Variants in DYNC1I1 observed in about 807,000 individuals in gnomAD.
DYNC1I1 encodes the protein cytoplasmic dynein 1 intermediate chain 1.
A neutral mutation model predicts 86.6 loss-of-function variants in DYNC1I1; 43 were observed. That is an observed-to-expected ratio of 0.50 (90% confidence interval 0.39 to 0.64). The LOEUF is 0.64. Ranked by LOEUF, DYNC1I1 falls within the 30% of genes least tolerant of loss-of-function variation. The pLI, the probability that DYNC1I1 is intolerant of heterozygous loss-of-function variation, is 0.00. For missense variants in DYNC1I1, 604 were observed against 788.8 expected (o/e 0.77, Z 2.81); for synonymous variants, 262 against 283.7 (o/e 0.92, Z 0.77).
rs115332272 is a variant in DYNC1I1, at chr7:96,041,288, A to G, written c.1509+1867A>G. Among the ~76,000 whole-genome samples, 377 of 152,320 alleles carry G rather than the reference A, an allele frequency of 2.5e-3. 1 individual carries two copies. The highest frequency in any genetic ancestry group is 8.8e-3 in the African/African-American group (365 of 41,560). On this transcript the variant is annotated intron_variant, in intron 14 of 16. Coordinates refer to ENST00000447467, the MANE Select transcript of DYNC1I1 (RefSeq NM_001135556.2). ...AACCAAGTTGAGAAACATATTTCCAACTATCAGATTGACAAAAATCTAAGT... is the reference window on the plus strand; with the variant it reads ...AACCAAGTTGAGAAACATATTTCCAGCTATCAGATTGACAAAAATCTAAGT...
At chr7:95,996,795 T>C (rs1212534582) in intron 10 of DYNC1I1, among the ~76,000 whole-genome samples, 2 of 152,186 alleles carry the variant, frequency 1.3e-5, no homozygotes, top group Non-Finnish European at 2.9e-5. Context: ...TTAATGCTCC[T>C]ATCCTGTGAT....
At chr7:95,886,539 C>G (rs1199572207) in intron 6 of DYNC1I1, among the ~76,000 whole-genome samples, 1 of 152,062 alleles carries the variant, frequency 6.6e-6, no homozygotes, top group Non-Finnish European at 1.5e-5. Context: ...ATAACCAAGC[C>G]AGAATTCACA....
chr7:95,818,473 A>AATT lies in DYNC1I1; in HGVS notation c.314+5136_314+5137insATT, dbSNP rs763156720. On this transcript the variant is annotated intron_variant, in intron 4 of 16. Transcript: ENST00000447467. Reference sequence around the variant, plus strand: ...CATACCACCACACCCAGCTGATTTAATTTTTTTTTTTTTTTTTTTTTGTAG... The same window carrying AATT: ...CATACCACCACACCCAGCTGATTTAAATTTTTTTTTTTTTTTTTTTTTTTGTAG... The AATT allele has an allele frequency of 1.5e-3, 879 of 574,230 alleles. 253 individuals carry two copies. Among genetic ancestry groups the AATT allele is most frequent in the Admixed American group, 6.3e-3 (245 of 38,898 alleles). The allele number at this position is 574,230 out of a possible 1,614,324, so 35.6% of individuals were successfully genotyped here. A position where few individuals can be genotyped will look rare whatever the true frequency, so the allele number is the denominator to read the frequency against.
At chr7:95,880,645 T>C (rs976012873) in intron 6 of DYNC1I1, among the ~76,000 whole-genome samples, 1 of 59,540 alleles carries the variant, frequency 1.7e-5, no homozygotes, top group Non-Finnish European at 3.3e-5. Flanking sequence ...TCTTACTTTT[T>C]TTTTTTTTTT....
chr7:95,808,900 A>T (rs1322617471), intron 2 of DYNC1I1, among the ~76,000 whole-genome samples: 1 of 152,158 alleles, frequency 6.6e-6, no homozygotes, highest in Non-Finnish European at 1.5e-5. Context: ...CTCACTCTGC[A>T]ACATCTTTTT....
chr7:96,054,165 T>C (rs1382214415), intron 14 of DYNC1I1, among the ~76,000 whole-genome samples: 1 of 152,150 alleles, frequency 6.6e-6, no homozygotes, highest in East Asian at 1.9e-4. Context: ...GGCCCTGGTG[T>C]GTGATGTTCC....
chr7:95,971,283 G>C (rs1047094824), intron 6 of DYNC1I1, among the ~76,000 whole-genome samples: 3 of 152,094 alleles, frequency 2.0e-5, no homozygotes, highest in African/African-American at 4.8e-5. Flanking sequence ...AAGGCATTAC[G>C]CAAAAAGATG....
intron 8 of DYNC1I1, among the ~76,000 whole-genome samples, 153 bp downstream of exon 8, chr7:95,985,130 T>C (rs1050336238): frequency 6.6e-6 from 1 of 152,182 alleles, no homozygotes. Flanking sequence ...ACTATGGGCT[T>C]TGGTGATAAC....
At chr7:95,849,037 A>G (rs903598401) in intron 5 of DYNC1I1, among the ~76,000 whole-genome samples, 3 of 152,184 alleles carry the variant, frequency 2.0e-5, no homozygotes, top group African/African-American at 7.2e-5. Context: ...CTTTAAAGAG[A>G]TGTCTACTCA....
intron 10 of DYNC1I1, among the ~76,000 whole-genome samples, chr7:96,019,730 G>T (rs1183599135): frequency 2.0e-5 from 3 of 152,078 alleles, no homozygotes; most frequent in Non-Finnish European, 4.4e-5. Flanking sequence ...CGTAAGAAAT[G>T]ATGTAGTAAC....
intron 6 of DYNC1I1, among the ~76,000 whole-genome samples, chr7:95,884,326 A>G (rs1172479674): frequency 6.6e-6 from 1 of 152,150 alleles, no homozygotes; most frequent in African/African-American, 2.4e-5. Context: ...AAGAGAGATG[A>G]GCTCAGATTG....
chr7:95,949,322 C>T (rs1465136319), intron 6 of DYNC1I1, among the ~76,000 whole-genome samples: 2 of 152,198 alleles, frequency 1.3e-5, no homozygotes, highest in Non-Finnish European at 2.9e-5. Context: ...ACACTTTCCC[C>T]CATGCAAGTG....
chr7:95,901,760 C>G (rs1248647090), intron 6 of DYNC1I1, among the ~76,000 whole-genome samples: 3 of 152,118 alleles, frequency 2.0e-5, no homozygotes, highest in Admixed American at 1.3e-4. Context: ...ATGAATGAAG[C>G]CTAGTATGGT....
chr7:95,774,064 T>G (rs1377259787), intron 1 of DYNC1I1, among the ~76,000 whole-genome samples: 1 of 152,202 alleles, frequency 6.6e-6, no homozygotes, highest in Non-Finnish European at 1.5e-5. Context: ...AAATAAAATC[T>G]GAAACACCTG....
At chr7:95,903,957 G>C (rs771591692) in intron 6 of DYNC1I1, among the ~76,000 whole-genome samples, 12 of 152,196 alleles carry the variant, frequency 7.9e-5, no homozygotes, top group Non-Finnish European at 1.5e-4. Context: ...CCCAAAGAGA[G>C]CCTAGAGACA....
At chr7:95,951,173 T>C (rs1792542658) in intron 6 of DYNC1I1, among the ~76,000 whole-genome samples, 2 of 152,312 alleles carry the variant, frequency 1.3e-5, no homozygotes, top group South Asian at 2.1e-4. Flanking sequence ...TTTTAAGCAG[T>C]GTATTTGACA....
intron 7 of DYNC1I1, among the ~76,000 whole-genome samples, chr7:95,981,208 A>G (rs1022044206): frequency 5.9e-5 from 9 of 152,066 alleles, no homozygotes; most frequent in Non-Finnish European, 8.8e-5. Context: ...TTATAGAGGG[A>G]AAAAAATCAC....
intron 10 of DYNC1I1, among the ~76,000 whole-genome samples, chr7:96,008,621 G>A (rs1225721814): frequency 6.6e-6 from 1 of 152,190 alleles, no homozygotes; most frequent in Non-Finnish European, 1.5e-5. Flanking sequence ...CAAAGTCAGT[G>A]TTTAAACTGA....
chr7:95,921,726 A>G (rs1584162065), intron 6 of DYNC1I1, among the ~76,000 whole-genome samples: 1 of 151,980 alleles, frequency 6.6e-6, no homozygotes, highest in Admixed American at 6.6e-5. Flanking sequence ...CTATCACACA[A>G]CTCATGATGA....
Sources: gnomAD v4.1 joint callset for allele counts (sites outside exome capture counted in the v4.1 genomes callset) on GRCh38, gnomAD v4.1.1 for gene constraint, MANE v1.5 for transcripts, NCBI Gene and HGNC (gene_info 2026-07-23, HGNC 2026-07-21) for gene names.